CCDC91: variants seen among roughly 807,000 people sequenced by gnomAD.
CCDC91 encodes the protein coiled-coil domain-containing protein 91.
CCDC91 carries 48 observed loss-of-function variants against 63.2 expected under a neutral mutation model. That is an observed-to-expected ratio of 0.76 (90% CI 0.60 to 0.97). CCDC91 has a LOEUF of 0.97. CCDC91 is among the 50% of genes least tolerant of loss of function. The pLI is 0.00. For synonymous variants in CCDC91, 167 were observed against 165.8 expected (o/e 1.01, Z -0.06); for missense variants, 500 against 494.6 (o/e 1.01, Z -0.10).
chr12:28,474,595 C>A (rs1566029855), intron 11 of CCDC91, among the ~76,000 whole-genome samples: 1 of 151,836 alleles, frequency 6.6e-6, no homozygotes, highest in African/African-American at 2.4e-5. Context: ...TTACTCAAAT[C>A]CATAATCTAT....
chr12:28,501,588 G>A (rs1451234932), intron 12 of CCDC91, among the ~76,000 whole-genome samples: 7 of 151,104 alleles, frequency 4.6e-5, no homozygotes, highest in East Asian at 1.9e-4. Context: ...GCTTTTTGAT[G>A]TGCTGCTGGA....
At chr12:28,392,457 A>C (rs1304397930) in intron 8 of CCDC91, among the ~76,000 whole-genome samples, 1 of 152,190 alleles carries the variant, frequency 6.6e-6, no homozygotes, top group Non-Finnish European at 1.5e-5. Flanking sequence ...ACATTACCTG[A>C]TACAATTTCG....
chr12:28,453,292 T>C (rs1156853693), intron 11 of CCDC91, among the ~76,000 whole-genome samples: 1 of 151,972 alleles, frequency 6.6e-6, no homozygotes, highest in African/African-American at 2.4e-5. Flanking sequence ...TTTATATATA[T>C]ATAGGCAGAA....
At chr12:28,371,167 C>A (rs1944597402) in intron 7 of CCDC91, among the ~76,000 whole-genome samples, 1 of 152,024 alleles carries the variant, frequency 6.6e-6, no homozygotes, top group Non-Finnish European at 1.5e-5. Flanking sequence ...GGGTCCTTAA[C>A]CCCCAGGCTG....
intron 8 of CCDC91, among the ~76,000 whole-genome samples, chr12:28,420,074 A>G (rs1947911300): frequency 6.6e-6 from 1 of 152,078 alleles, no homozygotes; most frequent in Non-Finnish European, 1.5e-5. Context: ...TTCTTTGGAA[A>G]ACCACTGTAA....
intron 3 of CCDC91, among the ~76,000 whole-genome samples, chr12:28,274,112 T>G (rs1417339705): frequency 1.3e-5 from 2 of 152,104 alleles, no homozygotes; most frequent in African/African-American, 4.8e-5. Flanking sequence ...TTTCCCCATT[T>G]CTTGTTTTTC....
chr12:28,194,756 T>G (rs1268189490), intron 1 of CCDC91, among the ~76,000 whole-genome samples: 1 of 151,230 alleles, frequency 6.6e-6, no homozygotes, highest in Non-Finnish European at 1.5e-5. Context: ...TTCCTCCCAG[T>G]GGGTTTGTGG....
At chr12:28,248,052 C>T (rs1327367067) in intron 1 of CCDC91, among the ~76,000 whole-genome samples, 3 of 152,034 alleles carry the variant, frequency 2.0e-5, no homozygotes, top group African/African-American at 4.8e-5. Context: ...CAGACCGGTT[C>T]GTGTCCGCGG....
intron 1 of CCDC91, among the ~76,000 whole-genome samples, chr12:28,218,608 C>A (rs903648156): frequency 1.1e-4 from 17 of 152,034 alleles, no homozygotes; most frequent in African/African-American, 4.1e-4. Flanking sequence ...CCCGTCCCAC[C>A]ACCTCTGGTC....
chr12:28,217,959 T>C (rs953839842), intron 1 of CCDC91, among the ~76,000 whole-genome samples: 16 of 152,152 alleles, frequency 1.1e-4, no homozygotes, highest in Non-Finnish European at 1.8e-4. Context: ...TTCTTACTTA[T>C]CATCTAAGGT....
chr12:28,521,935 G>A (rs1940720899), intron 12 of CCDC91, among the ~76,000 whole-genome samples: 1 of 152,118 alleles, frequency 6.6e-6, no homozygotes, highest in Non-Finnish European at 1.5e-5. Flanking sequence ...ACTTGATCAT[G>A]GTGGATAAGC....
intron 12 of CCDC91, among the ~76,000 whole-genome samples, chr12:28,538,661 A>G (rs1416854205): frequency 1.3e-5 from 2 of 152,186 alleles, no homozygotes; most frequent in Admixed American, 1.3e-4. Flanking sequence ...TTCTAGTTAA[A>G]GATCCCTGAG....
intron 1 of CCDC91, among the ~76,000 whole-genome samples, chr12:28,203,167 G>A (rs1044351007): frequency 6.6e-6 from 1 of 152,102 alleles, no homozygotes; most frequent in Admixed American, 6.5e-5. Flanking sequence ...GGGATAGAGG[G>A]ATGAGATTAA....
At chr12:28,428,493 C>T (rs1206777564) in intron 8 of CCDC91, among the ~76,000 whole-genome samples, 2 of 143,722 alleles carry the variant, frequency 1.4e-5, no homozygotes, top group Admixed American at 1.4e-4. Flanking sequence ...CGCTTGAACC[C>T]AGGAGGCGGA....
At chr12:28,379,753 T>G (rs886821413) in intron 7 of CCDC91, among the ~76,000 whole-genome samples, 1 of 152,224 alleles carries the variant, frequency 6.6e-6, no homozygotes, top group Non-Finnish European at 1.5e-5. Context: ...TGGTGATTCC[T>G]CAAGGATCTA....
intron 11 of CCDC91, among the ~76,000 whole-genome samples, chr12:28,465,425 C>A (rs1159060177): frequency 6.6e-6 from 1 of 152,170 alleles, no homozygotes; most frequent in Non-Finnish European, 1.5e-5. Flanking sequence ...AGGTCTGACC[C>A]AGCACAGTCC....
At chr12:28,533,318 C>A (rs780925927) in intron 12 of CCDC91, among the ~76,000 whole-genome samples, 6 of 152,002 alleles carry the variant, frequency 3.9e-5, no homozygotes, top group Non-Finnish European at 7.4e-5. Flanking sequence ...CAGTCAAAAC[C>A]AGACACCTAT....
intron 7 of CCDC91, among the ~76,000 whole-genome samples, chr12:28,379,522 G>T (rs1945157673): frequency 6.8e-6 from 1 of 147,510 alleles, no homozygotes; most frequent in Admixed American, 6.7e-5. Context: ...CTTCTCAAAA[G>T]AAGACATCTA....
intron 1 of CCDC91, among the ~76,000 whole-genome samples, chr12:28,229,960 C>A (rs1272232448): frequency 3.9e-5 from 6 of 152,100 alleles, no homozygotes; most frequent in Non-Finnish European, 7.4e-5. Flanking sequence ...TTGAAGATAC[C>A]TGTTCTTTAT....
Sources: allele counts gnomAD v4.1 joint callset (sites outside exome capture counted in the v4.1 genomes callset), GRCh38; gene constraint gnomAD v4.1.1; transcripts MANE v1.5; gene names NCBI Gene and HGNC (gene_info 2026-07-23, HGNC 2026-07-21).